The following DISP2 variants were observed in gnomAD, a reference collection of about 807,000 sequenced individuals.
The protein encoded by DISP2 is protein dispatched homolog 2.
Under a neutral mutation model 95.5 loss-of-function variants are expected in DISP2, and 59 were observed. The observed-to-expected ratio is 0.62, with a 90% CI of 0.50 to 0.77. DISP2 has a LOEUF of 0.77. DISP2 is among the 30% of genes least tolerant of loss of function. The pLI is 0.00. For missense variants in DISP2, 1,752 were observed against 1,854.6 expected, an observed-to-expected ratio of 0.94 and a Z score of 1.02; for synonymous variants, 827 against 815.0, an observed-to-expected ratio of 1.01 and a Z score of -0.25.
Position 40,369,950 on chromosome 15 carries a change from G to T in DISP2, c.3838G>T (p.Asp1280Tyr). 6.2e-7 allele frequency: 1 copy of T among 1,607,616 alleles called. No homozygotes were observed. The highest frequency in any genetic ancestry group is 8.5e-7 in the Non-Finnish European group (1 of 1,176,678). Reference protein sequence around the residue: ...SPKAKAADPPDGFCSSASTLE... With the variant: ...SPKAKAADPPYGFCSSASTLE... ...TAAGGCCAAGGCTGCAGATCCTCCT[G>T]ATGGCTTCTGTTCCTCAGCCAGCAC... The change falls in exon 8 of 8, where the codon GAT (aspartate) becomes TAT (tyrosine). Residue 1280 changes from aspartate to tyrosine, a missense_variant. Coordinates refer to ENST00000267889, the MANE Select transcript of DISP2 (RefSeq NM_033510.3).
At chr15:40,365,521 G>C (rs1196309523) in intron 6 of DISP2, 107 bp from the exon 7 acceptor site, 2 of 1,381,216 alleles carry the variant, frequency 1.4e-6, no homozygotes, top group Admixed American at 1.7e-5. Context: ...GGCTTGAGAT[G>C]CCTGAGAATC....
In DISP2 at chr15:40,369,187, A is replaced by C. The variant is rs201101494; in HGVS notation, c.3075A>C (p.Ser1025=). ...CCGAGGCCCTGTTTCTCTCTGCCTCAGTGGGCCTCTCAGTAGACTTCACTG... is the reference window on the plus strand; with the variant it reads ...CCGAGGCCCTGTTTCTCTCTGCCTCCGTGGGCCTCTCAGTAGACTTCACTG... The part of the protein sequence containing the change: ...NTAEALFLSA[S]VGLSVDFTVN... Residue 1025 remains serine (S), a synonymous_variant, in exon 8 of 8, where the codon TCA becomes TCC. Coordinates refer to ENST00000267889, the MANE Select transcript of DISP2 (RefSeq NM_033510.3). 11 of 1,613,912 alleles carry C rather than the reference A, an allele frequency of 6.8e-6. No homozygotes were observed. In the East Asian group the frequency reaches 2.5e-4, roughly 36 times the overall value.
intron 1 of DISP2, among the ~76,000 whole-genome samples, chr15:40,360,362 A>G (rs1271646797): frequency 6.6e-6 from 1 of 152,348 alleles, no homozygotes; most frequent in East Asian, 1.9e-4. Context: ...TTTTATTCTG[A>G]GAAGAGTGGA....
intron 1 of DISP2, among the ~76,000 whole-genome samples, chr15:40,362,443 C>A (rs1889420081): frequency 6.6e-6 from 1 of 152,232 alleles, no homozygotes; most frequent in African/African-American, 2.4e-5. Context: ...TAGCAGCCAG[C>A]CTAGCACTCA....
chr15:40,367,783 C>A lies in DISP2; in HGVS notation c.1671C>A (p.Asn557Lys). The A allele has an allele frequency of 6.2e-7, 1 of 1,608,950 alleles. No homozygotes were observed. The highest frequency in any genetic ancestry group is 8.5e-7 in the Non-Finnish European group (1 of 1,180,018). The change falls in exon 8 of 8, where the codon AAC becomes AAA. Residue 557 changes from asparagine to lysine, a missense_variant. This residue lies in a region of DISP2 where 732 missense variants were observed against 714.6 expected (regional missense o/e 1.02). Transcript: ENST00000267889. ...ALLLLSSVCA[N>K]HTLIFFDLWR... is the part of the protein sequence containing the mutation. ...TCCTGCTGAGCAGCGTCTGCGCCAACCACACGCTCATCTTCTTCGACCTGT... is the reference window on the plus strand; with the variant it reads ...TCCTGCTGAGCAGCGTCTGCGCCAAACACACGCTCATCTTCTTCGACCTGT...
In DISP2 at chr15:40,358,302, C is replaced by G. The variant is rs950103548; in HGVS notation, c.-20C>G. The G allele has an allele frequency of 1.8e-5, 23 of 1,285,362 alleles. No individual in the cohort carries two copies. Among genetic ancestry groups the G allele is most frequent in the Non-Finnish European group, 2.3e-5 (23 of 1,021,222 alleles). The allele number at this position is 1,285,362 out of a possible 1,614,324, so 79.6% of individuals were successfully genotyped here. A position where few individuals can be genotyped will look rare whatever the true frequency, so the allele number is the denominator to read the frequency against. ...CGCGGCTTCAGCACCAGCGCCCGGA[C>G]AGCGGTGCCGCCCACGGGCATGGAC... On this transcript the variant is annotated 5_prime_UTR_variant, in exon 1 of 8. Transcript: ENST00000267889.
Position 40,363,644 on chromosome 15 carries a change from C to G in DISP2, c.139C>G (p.Pro47Ala), listed in dbSNP as rs1898883. The G allele has an allele frequency of 0.68, 1,055,936 of 1,546,108 alleles. 362,952 individuals carry two copies. Among genetic ancestry groups the G allele is most frequent in the East Asian group, 0.86 (37,986 of 44,006 alleles). Residue 47 changes from proline to alanine, a missense_variant, in exon 2 of 8, where the codon CCC (proline) becomes GCC (alanine). This residue lies in a region of DISP2 where 342 missense variants were observed against 364.3 expected (regional missense o/e 0.94). Transcript: ENST00000267889. ...TCCTAGCACCCAGACCAAGGCTGTG[C>G]CCCCTGAGGCAAGCCCAGAGAGAAG... is the stretch of plus-strand genomic sequence containing the variant. ...SPDSTQTKAV[P>A]PEASPERSCS...
In DISP2 at chr15:40,364,357, G is replaced by C. The variant is rs572020648; in HGVS notation, c.480-64G>C. ...CTCTATCTAGCACCCCTTCTGGGTG[G>C]AGCCTGAGCTCAGCACCCGTTGCTA... is the stretch of plus-strand genomic sequence containing the variant. On this transcript the variant is annotated intron_variant, in intron 3 of 7. Transcript: ENST00000267889. The C allele has an allele frequency of 5.1e-5, 82 of 1,613,292 alleles. No homozygotes were observed. In the South Asian group the frequency reaches 8.8e-4, roughly 17 times the overall value.
Position 40,369,199 on chromosome 15 carries a change from A to T in DISP2, c.3087A>T (p.Ser1029=). The T allele has an allele frequency of 1.2e-6, 2 of 1,613,962 alleles. No individual in the cohort carries two copies. The highest frequency in any genetic ancestry group is 2.2e-5 in the East Asian group (1 of 44,878). The stretch of plus-strand genomic sequence containing the variant: ...TTCTCTCTGCCTCAGTGGGCCTCTC[A>T]GTAGACTTCACTGTCAACTACTGCA... ...ALFLSASVGL[S]VDFTVNYCIS... Residue 1029 remains serine (S), a synonymous_variant, in exon 8 of 8, where the codon TCA becomes TCT. Transcript: ENST00000267889.
At position 40,358,258 on chromosome 15, in the gene DISP2, C is replaced by T. The variant is rs964819825; in HGVS notation, c.-64C>T. On this transcript the variant is annotated 5_prime_UTR_variant, in exon 1 of 8. Coordinates refer to ENST00000267889, the MANE Select transcript of DISP2 (RefSeq NM_033510.3). ...CCCGCCGCCGCTGCCGCCGCCACCG[C>T]CGCCGCCGCCGCCGCCGCCGCGGCT... 2.6e-6 allele frequency: 3 copies of T among 1,148,974 alleles called. No homozygotes were observed. The highest frequency in any genetic ancestry group is 3.3e-5 in the African/African-American group (2 of 60,418). 71.2% of individuals were successfully genotyped at this position (1,148,974 alleles called of 1,614,324 possible).
rs1383716018 is a variant in DISP2, at chr15:40,369,860, C to G, written c.3748C>G (p.Gln1250Glu). 3.2e-6 allele frequency: 5 copies of G among 1,568,782 alleles called. No individual in the cohort carries two copies. The highest frequency in any genetic ancestry group is 4.3e-6 in the Non-Finnish European group (5 of 1,155,376). The part of the protein sequence containing the change: ...AGPSPKTRAR[Q>E]DSQGEEAEPL... ...CCCCAGCCCCAAAACCCGGGCCAGGCAGGACTCCCAAGGGGAGGAGGCTGA... is the reference window on the plus strand; with the variant it reads ...CCCCAGCCCCAAAACCCGGGCCAGGGAGGACTCCCAAGGGGAGGAGGCTGA... Residue 1250 changes from glutamine (Q) to glutamate (E), a missense_variant, in exon 8 of 8, where the codon CAG becomes GAG. Gln to Glu is a conservative substitution (Grantham distance 29). Around this residue, in one of 5 missense-constraint regions of DISP2, gnomAD observed 347 missense variants for 344.2 expected, o/e 1.01. Coordinates refer to ENST00000267889, the MANE Select transcript of DISP2 (RefSeq NM_033510.3).
At position 40,363,918 on chromosome 15, in the gene DISP2, A is replaced by G; in HGVS notation, c.413A>G (p.Lys138Arg). 3 of 1,553,988 alleles carry G rather than the reference A, an allele frequency of 1.9e-6. No individual in the cohort carries two copies. In the South Asian group the frequency reaches 3.6e-5, roughly 19 times the overall value. Residue 138 changes from lysine to arginine, a missense_variant, in exon 2 of 8, where the codon AAG (lysine) becomes AGG (arginine). Lys to Arg is a conservative substitution (Grantham distance 26). This residue lies in a region of DISP2 where 342 missense variants were observed against 364.3 expected (regional missense o/e 0.94). Coordinates refer to ENST00000267889, the MANE Select transcript of DISP2 (RefSeq NM_033510.3). ...PAPSQRDGTW[K>R]PPAVQHHVVS... ...CCCTCACAGCGCGATGGGACCTGGA[A>G]GCCACCCGCTGTGCAGCACCATGTG...
In DISP2 at chr15:40,374,076, A is replaced by C. The variant is rs901453029; in HGVS notation, c.*3758A>C. On this transcript the variant is annotated 3_prime_UTR_variant, in exon 8 of 8. Transcript: ENST00000267889. ...GTTACCATGGGAAAACCATCCTTCC[A>C]TGGCTGTGGTGATTTGGGGACTTTT... 6.7e-6 allele frequency: 1 copy of C among 149,222 alleles called. No homozygotes were observed. The highest frequency in any genetic ancestry group is 2.5e-5 in the African/African-American group (1 of 40,292). 9.2% of individuals were successfully genotyped at this position (149,222 alleles called of 1,614,324 possible).
At position 40,364,901 on chromosome 15, in the gene DISP2, CT is replaced by C; in HGVS notation, c.668del (p.Leu223ProfsTer16). The C allele has an allele frequency of 6.2e-7, 1 of 1,614,202 alleles. No individual in the cohort carries two copies. The highest frequency in any genetic ancestry group is 1.1e-5 in the South Asian group (1 of 91,080). On this transcript the variant is annotated frameshift_variant, in exon 5 of 8. Coordinates refer to ENST00000267889, the MANE Select transcript of DISP2 (RefSeq NM_033510.3). LOFTEE classifies it high-confidence loss of function. ...AGTGGTCTGGAGAGCACTACAAGCC[CT>C]CACAGGCCCCAGGAAGCTGCTTTTC... Reference protein sequence around the residue: ...KLVVWRALQALTGPRKLLFLS... With the variant: ...KLVVWRALQAXTGPRKLLFLS...
At chr15:40,359,564 C>T (rs753640726) in intron 1 of DISP2, among the ~76,000 whole-genome samples, 1 of 152,222 alleles carries the variant, frequency 6.6e-6, no homozygotes, top group African/African-American at 2.4e-5. Context: ...GAGCGAGGAC[C>T]TGGGGCCAGA....
Position 40,364,967 on chromosome 15 carries a change from ATCT to A in DISP2, c.719+16_719+18del, listed in dbSNP as rs1566914911. ...TGAGCTGAACAGGTAACAGGCTCTCATCTTTTCACTGTGGGTGGCAGAGGGAAG... is the reference window on the plus strand; with the variant it reads ...TGAGCTGAACAGGTAACAGGCTCTCATTTCACTGTGGGTGGCAGAGGGAAG... On this transcript the variant is annotated intron_variant, in intron 5 of 7. Coordinates refer to ENST00000267889, the MANE Select transcript of DISP2 (RefSeq NM_033510.3). 6.2e-7 allele frequency: 1 copy of A among 1,613,140 alleles called. No homozygotes were observed. The highest frequency in any genetic ancestry group is 8.5e-7 in the Non-Finnish European group (1 of 1,179,452).
intron 1 of DISP2, 54 bp downstream of exon 1, chr15:40,358,494 GC>G: frequency 9.2e-7 from 1 of 1,081,430 alleles, no homozygotes; most frequent in Non-Finnish European, 1.1e-6. Context: ...GACCCTCCCC[GC>G]CCCAGGTATC....
In DISP2 at chr15:40,375,548, A is replaced by C. The variant is rs1889719699; in HGVS notation, c.*5230A>C. 1 of 152,200 alleles carries C rather than the reference A, an allele frequency of 6.6e-6. No homozygotes were observed. Among genetic ancestry groups the C allele is most frequent in the Non-Finnish European group, 1.5e-5 (1 of 68,010 alleles). The allele number at this position is 152,200 out of a possible 1,614,324, so 9.4% of individuals were successfully genotyped here. A position where few individuals can be genotyped will look rare whatever the true frequency, so the allele number is the denominator to read the frequency against. On this transcript the variant is annotated 3_prime_UTR_variant, in exon 8 of 8. Transcript: ENST00000267889. ...CCCTCAGTGGACAAAAAAAAAAAAA[A>C]AATTCTTCATGAAGAAAACTGAAGC...
chr15:40,366,033 CTG>C (rs1307460291), intron 7 of DISP2, among the ~76,000 whole-genome samples: 2 of 152,256 alleles, frequency 1.3e-5, no homozygotes, highest in East Asian at 1.9e-4. Flanking sequence ...GGAGCTGAGA[CTG>C]TGGGCTTCAA....
Sources: gnomAD v4.1 joint callset for allele counts (sites outside exome capture counted in the v4.1 genomes callset) on GRCh38, gnomAD v4.1.1 for gene constraint, gnomAD v4.1.1 regional missense constraint, MANE v1.5 for transcripts, NCBI Gene and HGNC (gene_info 2026-07-23, HGNC 2026-07-21) for gene names.